The following QSER1 variants were observed in gnomAD, a reference collection of about 807,000 sequenced individuals.
QSER1 encodes the protein glutamine and serine rich 1, also known as glutamine and serine-rich protein 1.
QSER1 carries 49 observed loss-of-function variants against 158.5 expected under a neutral mutation model. That is an observed-to-expected ratio of 0.31 (90% CI 0.25 to 0.39). The LOEUF (loss-of-function observed/expected upper bound fraction) is 0.39. Among genes scored for constraint, QSER1 ranks in the 10% least tolerant of loss-of-function variants. The pLI is 1.00. For synonymous variants in QSER1, 650 were observed against 715.5 expected (o/e 0.91, Z 1.46); for missense variants, 1,754 against 2,010.3 (o/e 0.87, Z 2.44).
At chr11:32,918,139 G>A (rs1851858966) in intron 1 of QSER1, among the ~76,000 whole-genome samples, 1 of 152,114 alleles carries the variant, frequency 6.6e-6, no homozygotes, top group South Asian at 2.1e-4. Flanking sequence ...CTAACTTGAA[G>A]CTGATTTCTC....
At chr11:32,916,166 G>T (rs1449004900) in intron 1 of QSER1, among the ~76,000 whole-genome samples, 1 of 152,178 alleles carries the variant, frequency 6.6e-6, no homozygotes, top group African/African-American at 2.4e-5. Flanking sequence ...CTCCCAAAAT[G>T]CTGGGATTAC....
chr11:32,936,405 A>G (rs1852154507), intron 4 of QSER1, among the ~76,000 whole-genome samples: 1 of 152,150 alleles, frequency 6.6e-6, no homozygotes, highest in African/African-American at 2.4e-5. Flanking sequence ...CATGGTGTAT[A>G]TGTGCCACAT....
rs375607330 is a variant in QSER1 at position 32,932,304 on chromosome 11, G to A, written c.1046G>A (p.Ser349Asn). Residue 349 changes from serine (S) to asparagine (N), a missense_variant, in exon 4 of 13, where the codon AGT (serine) becomes AAT (asparagine). This residue lies in a region of QSER1 where 1,707 missense variants were observed against 1,919.6 expected (regional missense o/e 0.89). Coordinates refer to ENST00000650167, the MANE Select transcript of QSER1 (RefSeq NM_001076786.3). ...HSLHSYLSNSSVVNFQETTRQ... is the reference protein window; with the variant it reads ...HSLHSYLSNSNVVNFQETTRQ... ...TTACATAGTTATCTATCAAATTCAA[G>A]TGTAGTTAATTTTCAGGAAACAACC... 1 of 1,613,610 alleles carries A rather than the reference G, an allele frequency of 6.2e-7. No homozygotes were observed. The highest frequency in any genetic ancestry group is 8.5e-7 in the Non-Finnish European group (1 of 1,180,032).
At position 32,976,568 on chromosome 11, in the gene QSER1, C is replaced by T; in HGVS notation, c.*94C>T. 1 of 1,347,964 alleles carries T rather than the reference C, an allele frequency of 7.4e-7. No homozygotes were observed. The highest frequency in any genetic ancestry group is 1.0e-6 in the Non-Finnish European group (1 of 962,236). 83.5% of individuals were successfully genotyped at this position (1,347,964 alleles called of 1,614,324 possible). A position where few individuals can be genotyped will look rare whatever the true frequency, so the allele number is the denominator to read the frequency against. ...TCAGATGTCAAGTAGTGGCCTTCTG[C>T]AGGCCGGCCGCTTCCATCATGGAAC... On this transcript the variant is annotated 3_prime_UTR_variant, in exon 13 of 13. Coordinates refer to ENST00000650167, the MANE Select transcript of QSER1 (RefSeq NM_001076786.3).
chr11:32,923,814 A>G (rs1355802597), intron 1 of QSER1, among the ~76,000 whole-genome samples: 1 of 151,782 alleles, frequency 6.6e-6, no homozygotes, highest in Non-Finnish European at 1.5e-5. Context: ...CTAAAATATA[A>G]AAAATTAGCC....
intron 4 of QSER1, among the ~76,000 whole-genome samples, chr11:32,946,230 C>A (rs1006242045): frequency 6.6e-6 from 1 of 152,200 alleles, no homozygotes; most frequent in African/African-American, 2.4e-5. Flanking sequence ...GCCTTCTTCT[C>A]TCAGCTCGTC....
chr11:32,947,979 C>T (rs1260719176), intron 4 of QSER1, among the ~76,000 whole-genome samples: 1 of 151,886 alleles, frequency 6.6e-6, no homozygotes, highest in Non-Finnish European at 1.5e-5. Flanking sequence ...AAATACAACC[C>T]ACATGTGAAA....
intron 1 of QSER1, among the ~76,000 whole-genome samples, chr11:32,906,646 C>T (rs573542553): frequency 5.3e-5 from 8 of 152,252 alleles, no homozygotes; most frequent in African/African-American, 1.9e-4. Context: ...CTTCTGGGCT[C>T]AAGTGACCCT....
At chr11:32,929,207 G>A (rs1041174557) in intron 3 of QSER1, among the ~76,000 whole-genome samples, 3 of 152,098 alleles carry the variant, frequency 2.0e-5, no homozygotes, top group Non-Finnish European at 4.4e-5. Flanking sequence ...TGCGTCCCAG[G>A]TTCAAGTGAT....
At position 32,932,061 on chromosome 11, in the gene QSER1, A is replaced by G. The variant is rs1328992384; in HGVS notation, c.803A>G (p.Glu268Gly). ...TCTTCAACATACCGCTCAGCTCAAGAGTCTGCACCCCATCTTTTACAACCT... is the reference window on the plus strand; with the variant it reads ...TCTTCAACATACCGCTCAGCTCAAGGGTCTGCACCCCATCTTTTACAACCT... ...PQSSTYRSAQ[E>G]SAPHLLQPQF... Residue 268 changes from glutamate to glycine, a missense_variant, in exon 4 of 13, where the codon GAG becomes GGG. This residue lies in a region of QSER1 where 1,707 missense variants were observed against 1,919.6 expected (regional missense o/e 0.89). Coordinates refer to ENST00000650167, the MANE Select transcript of QSER1 (RefSeq NM_001076786.3). 1 of 1,614,086 alleles carries G rather than the reference A, an allele frequency of 6.2e-7. No homozygotes were observed. The highest frequency in any genetic ancestry group is 8.5e-7 in the Non-Finnish European group (1 of 1,180,042).
intron 1 of QSER1, among the ~76,000 whole-genome samples, chr11:32,894,818 C>A (rs544423132): frequency 2.9e-4 from 44 of 152,288 alleles, no homozygotes; most frequent in Non-Finnish European, 2.4e-4. Flanking sequence ...GTATTACATA[C>A]AAGTAAGCCA....
intron 1 of QSER1, among the ~76,000 whole-genome samples, chr11:32,894,883 TG>T (rs1164123753): frequency 3.3e-5 from 5 of 152,232 alleles, no homozygotes; most frequent in African/African-American, 1.2e-4. Context: ...TTCTTGCTGA[TG>T]GTAATTTGAC....
intron 1 of QSER1, chr11:32,926,268 A>T (rs575863225): frequency 2.0e-5 from 3 of 152,162 alleles, no homozygotes; most frequent in Admixed American, 2.0e-4. Flanking sequence ...AAACTTTTAG[A>T]TGTTTGGCAA....
intron 1 of QSER1, among the ~76,000 whole-genome samples, chr11:32,918,875 A>G (rs1221318767): frequency 2.6e-5 from 4 of 152,072 alleles, no homozygotes; most frequent in Non-Finnish European, 5.9e-5. Flanking sequence ...CATGGCTTAC[A>G]TTTTTTTAAA....
At chr11:32,909,137 C>T (rs1417177824) in intron 1 of QSER1, among the ~76,000 whole-genome samples, 2 of 152,126 alleles carry the variant, frequency 1.3e-5, no homozygotes, top group Admixed American at 1.3e-4. Flanking sequence ...TCCAGCCGGG[C>T]AACAGGGCAA....
chr11:32,962,242 A>G (rs11032069), intron 8 of QSER1, among the ~76,000 whole-genome samples: 2,638 of 152,248 alleles, frequency 0.017, 73 homozygotes, highest in African/African-American at 0.06. Flanking sequence ...TCTAGTGACT[A>G]ATGATGTTGA....
chr11:32,913,230 G>A (rs1404374477), intron 1 of QSER1, among the ~76,000 whole-genome samples: 4 of 111,996 alleles, frequency 3.6e-5, no homozygotes, highest in East Asian at 2.8e-4. Context: ...TTGCTTTGTC[G>A]CCCAGGCTGG....
rs1455595277 is a variant in QSER1 at position 32,977,543 on chromosome 11, A to C, written c.*1069A>C. 2 of 152,662 alleles carry C rather than the reference A, an allele frequency of 1.3e-5. No individual in the cohort carries two copies. The highest frequency in any genetic ancestry group is 2.4e-5 in the African/African-American group (1 of 41,462). The allele number at this position is 152,662 out of a possible 1,614,324, so 9.5% of individuals were successfully genotyped here. ...TTACATTTTGAAGAATAAAACTGAT[A>C]ATTAGACTATTTGCAGTGTTAAACA... On this transcript the variant is annotated 3_prime_UTR_variant, in exon 13 of 13. Transcript: ENST00000650167.
At chr11:32,930,683 TTTGA>T (rs1162330470) in intron 3 of QSER1, among the ~76,000 whole-genome samples, 2 of 152,220 alleles carry the variant, frequency 1.3e-5, no homozygotes, top group African/African-American at 2.4e-5. Flanking sequence ...GCCATAATTA[TTTGA>T]TTGATCCCTT....
Sources: gnomAD v4.1 joint callset for allele counts (sites outside exome capture counted in the v4.1 genomes callset) on GRCh38, gnomAD v4.1.1 for gene constraint, gnomAD v4.1.1 regional missense constraint, MANE v1.5 for transcripts, NCBI Gene and HGNC (gene_info 2026-07-23, HGNC 2026-07-21) for gene names.